The following PUDP variants were observed in gnomAD, a reference collection of about 807,000 sequenced individuals.
PUDP encodes the protein pseudouridine-5'-phosphatase.
Under a neutral mutation model 9.4 loss-of-function variants are expected in PUDP, and 8 were observed. That is an observed-to-expected ratio of 0.85 (90% confidence interval 0.50 to 1.53). PUDP has a LOEUF of 1.53. Ranked by LOEUF, PUDP falls within the 40% of genes most tolerant of loss-of-function variation. PUDP has a pLI of 0.00. For synonymous variants in PUDP, 99 were observed against 80.7 expected (o/e 1.23, Z -1.22); for missense variants, 188 against 189.7 (o/e 0.99, Z 0.05).
chrX:6,707,729 C>T lies in PUDP; in HGVS notation n.129-1263G>A, dbSNP rs541400502. Among the ~76,000 whole-genome samples the T allele has an allele frequency of 9.8e-5, 11 of 112,024 alleles. No homozygotes were observed. In the South Asian group the frequency reaches 4.2e-3, roughly 42 times the overall value. ...AAACTTCCCTCACTAGCCCGCCACT[C>T]ATCTCCTGCTGTGCAGCCCGGTTCC... On this transcript the variant is annotated intron_variant and non_coding_transcript_variant, in intron 1 of 2. Transcript: ENST00000438499.
At chrX:6,877,751 T>C (rs1440901534) in intron 3 of PUDP, among the ~76,000 whole-genome samples, 2 of 111,792 alleles carry the variant, frequency 1.8e-5, no homozygotes, top group African/African-American at 3.2e-5. Flanking sequence ...GAGTATTTCA[T>C]GTACAGCAAA....
chrX:6,942,218 T>C (rs1207772381), intron 3 of PUDP, among the ~76,000 whole-genome samples: 2 of 112,478 alleles, frequency 1.8e-5, no homozygotes, highest in African/African-American at 3.2e-5. Context: ...TGTTAAAAAT[T>C]AATATTAAAA....
At chrX:7,092,660 C>A in intron 2 of PUDP, among the ~76,000 whole-genome samples, 1 of 111,655 alleles carries the variant, frequency 9.0e-6, no homozygotes, top group Middle Eastern at 4.6e-3. Context: ...AAGGTCCCAC[C>A]GTATAGAAGT....
chrX:6,953,865 G>A (rs1365557932), intron 3 of PUDP, among the ~76,000 whole-genome samples: 2 of 111,441 alleles, frequency 1.8e-5, no homozygotes, highest in African/African-American at 6.5e-5. Flanking sequence ...ATCTTGAATT[G>A]TAGTTCCCAT....
intron 1 of PUDP, among the ~76,000 whole-genome samples, chrX:7,032,527 T>C (rs1186097469): frequency 8.9e-6 from 1 of 112,410 alleles, no homozygotes; most frequent in Non-Finnish European, 1.9e-5. Flanking sequence ...GACATACTAC[T>C]AACAGATAAA....
intron 3 of PUDP, among the ~76,000 whole-genome samples, chrX:6,743,161 T>C (rs781681821): frequency 2.7e-5 from 3 of 111,993 alleles, no homozygotes; most frequent in Non-Finnish European, 3.8e-5. Flanking sequence ...CTTAAAAAAA[T>C]AAATAAGCTC....
In PUDP at chrX:7,108,355, G is replaced by A. The variant is rs761832785; in HGVS notation, c.62-2517C>T. The stretch of plus-strand genomic sequence containing the variant: ...GGAACTCTCTGGCTCTTCCTCCTGG[G>A]ATGGGGCTGAGGCTGGGCCCAGTCC... On this transcript the variant is annotated intron_variant, in intron 1 of 3. Transcript: ENST00000381077. Among the ~76,000 whole-genome samples the A allele has an allele frequency of 1.3e-3, 147 of 112,104 alleles. 1 individual carries two copies. Among genetic ancestry groups the A allele is most frequent in the Non-Finnish European group, 9.2e-4 (49 of 53,144 alleles).
chrX:6,876,055 T>C (rs745341839), intron 3 of PUDP, among the ~76,000 whole-genome samples: 3 of 112,604 alleles, frequency 2.7e-5, no homozygotes, highest in South Asian at 7.3e-4. Flanking sequence ...CAGATGATCA[T>C]TGACTTAACA....
chrX:6,723,836 A>C (rs1200110157), upstream of PUDP, among the ~76,000 whole-genome samples: 1 of 112,083 alleles, frequency 8.9e-6, no homozygotes, highest in Non-Finnish European at 1.9e-5. Flanking sequence ...TGTATATATT[A>C]TATTTTATTT....
chrX:6,890,007 G>C (rs767535497), intron 3 of PUDP, among the ~76,000 whole-genome samples: 1 of 111,466 alleles, frequency 9.0e-6, no homozygotes, highest in Non-Finnish European at 1.9e-5. Flanking sequence ...AGTTATGAAA[G>C]GTAAGACAAG....
At chrX:6,859,951 C>G (rs746549847) in intron 3 of PUDP, among the ~76,000 whole-genome samples, 102 of 112,385 alleles carry the variant, frequency 9.1e-4, no homozygotes, top group Non-Finnish European at 1.7e-3. Context: ...ACTGCAATGC[C>G]GTATCTCAGT....
intron 3 of PUDP, among the ~76,000 whole-genome samples, chrX:6,904,753 G>T (rs752542871): frequency 8.9e-6 from 1 of 112,226 alleles, no homozygotes; most frequent in South Asian, 3.7e-4. Flanking sequence ...TCCAACTGGG[G>T]CTCCCCATTG....
chrX:7,136,658 T>C (rs1209898196), intron 1 of PUDP, among the ~76,000 whole-genome samples: 3 of 110,257 alleles, frequency 2.7e-5, no homozygotes, highest in Non-Finnish European at 5.7e-5. Flanking sequence ...CTGGTCATTA[T>C]TCTTTTGATT....
At chrX:6,914,960 T>C (rs1927907713) in intron 3 of PUDP, among the ~76,000 whole-genome samples, 1 of 112,347 alleles carries the variant, frequency 8.9e-6, no homozygotes, top group African/African-American at 3.2e-5. Flanking sequence ...ACTAAGCACA[T>C]GGAACATGAT....
chrX:7,127,033 A>G (rs1367711683), intron 1 of PUDP, among the ~76,000 whole-genome samples: 2 of 111,859 alleles, frequency 1.8e-5, no homozygotes, highest in Non-Finnish European at 3.8e-5. Flanking sequence ...ACCAAAAAGC[A>G]TAGGGTATGG....
chrX:6,992,976 A>C (rs1051467294), intron 1 of PUDP, among the ~76,000 whole-genome samples: 8 of 111,503 alleles, frequency 7.2e-5, no homozygotes, highest in African/African-American at 2.6e-4. Context: ...ATCAGACTCC[A>C]AGTTCTTCAG....
chrX:6,798,086 C>T (rs1265682035), intron 3 of PUDP, among the ~76,000 whole-genome samples: 2 of 112,158 alleles, frequency 1.8e-5, no homozygotes, highest in Non-Finnish European at 3.8e-5. Flanking sequence ...GTTCTCATTG[C>T]TGCTAATAAA....
chrX:6,973,606 C>T (rs771098522), intron 3 of PUDP, among the ~76,000 whole-genome samples: 14 of 111,279 alleles, frequency 1.3e-4, no homozygotes, highest in South Asian at 7.5e-4. Flanking sequence ...TTTGCATTTG[C>T]GAAGTGTTTT....
intron 1 of PUDP, among the ~76,000 whole-genome samples, chrX:7,147,037 A>G (rs1207276266): frequency 9.0e-6 from 1 of 110,859 alleles, no homozygotes; most frequent in African/African-American, 3.3e-5. Context: ...GGTAGAGCTC[A>G]GCATAGTTCT....
Sources: gnomAD v4.1 joint callset for allele counts (sites outside exome capture counted in the v4.1 genomes callset) on GRCh38, gnomAD v4.1.1 for gene constraint, MANE v1.5 for transcripts, NCBI Gene and HGNC (gene_info 2026-07-23, HGNC 2026-07-21) for gene names.